MORC2: variants seen among roughly 807,000 people sequenced by gnomAD.
MORC2 encodes MORC family CW-type zinc finger 2, also known as ATPase MORC2.
A neutral mutation model predicts 136.0 loss-of-function variants in MORC2; 30 were observed. The ratio of observed to expected loss-of-function variants is 0.22; its 90% CI spans 0.17 to 0.30. MORC2 has a LOEUF of 0.30. MORC2 is among the 10% of genes least tolerant of loss of function. The pLI, the probability that MORC2 is intolerant of heterozygous loss-of-function variation, is 1.00. For missense variants in MORC2, 922 were observed against 1,333.1 expected (o/e 0.69, Z 4.80); for synonymous variants, 439 against 487.0 (o/e 0.90, Z 1.30).
chr22:30,958,035 T>G (rs546374174), intron 2 of MORC2, among the ~76,000 whole-genome samples: 47 of 152,236 alleles, frequency 3.1e-4, no homozygotes, highest in Non-Finnish European at 5.6e-4. Context: ...AAACAGAATC[T>G]TGATATGGAC....
At chr22:30,938,400 A>G (rs5994356) in intron 12 of MORC2, among the ~76,000 whole-genome samples, 195 bp from the exon 13 acceptor site, 6 of 152,346 alleles carry the variant, frequency 3.9e-5, no homozygotes, top group African/African-American at 1.4e-4. Context: ...AATTAAAAAC[A>G]TGAGTGTGGC....
At chr22:30,956,531 A>G (rs954242651) in intron 3 of MORC2, among the ~76,000 whole-genome samples, 5 of 152,202 alleles carry the variant, frequency 3.3e-5, no homozygotes, top group Non-Finnish European at 5.9e-5. Context: ...AGCTATTTAC[A>G]TAGATTTGGA....
chr22:30,940,739 G>A lies in MORC2; in HGVS notation c.904+19C>T, dbSNP rs200162306. ...CCAGATGCACACCCCCCCAACTCCT[G>A]CACCCAGAGTGGCATTACCAATCCT... is the stretch of plus-strand genomic sequence containing the variant. On this transcript the variant is annotated intron_variant, in intron 10 of 25. Coordinates refer to ENST00000397641, the MANE Select transcript of MORC2 (RefSeq NM_001303256.3). The A allele has an allele frequency of 3.1e-6, 5 of 1,611,508 alleles. No individual in the cohort carries two copies. The East Asian group carries it at 6.7e-5, about 22-fold the overall frequency.
intron 1 of MORC2, among the ~76,000 whole-genome samples, chr22:30,961,079 A>G (rs1005020781): frequency 2.6e-5 from 4 of 151,994 alleles, no homozygotes; most frequent in African/African-American, 7.3e-5. Context: ...CAAGTTGGTC[A>G]GGCTGCTCTT....
At chr22:30,961,300 A>G (rs2041041741) in intron 1 of MORC2, among the ~76,000 whole-genome samples, 1 of 152,214 alleles carries the variant, frequency 6.6e-6, no homozygotes, top group African/African-American at 2.4e-5. Context: ...AACTAAATAA[A>G]CAAAAAGTAT....
chr22:30,958,356 T>A (rs2040995886), intron 2 of MORC2, among the ~76,000 whole-genome samples: 1 of 152,230 alleles, frequency 6.6e-6, no homozygotes, highest in African/African-American at 2.4e-5. Context: ...TGCATTTTAC[T>A]ACAATTATCT....
chr22:30,942,065 T>C, intron 7 of MORC2, 47 bp downstream of exon 7: 1 of 1,610,182 alleles, frequency 6.2e-7, no homozygotes, highest in Non-Finnish European at 8.5e-7. Context: ...TACTTGTGAT[T>C]CTGGAGCTCC....
Position 30,941,457 on chromosome 22 carries a change from A to C in MORC2, c.800T>G (p.Leu267Arg), listed in dbSNP as rs1555939986. ...IHGHKVQTKR[L>R]SCCLYKPRMY... ...CCTGGGCTTGTACAGGCAGCAGGAG[A>C]GCCTCTTGGTCTGCACCTTGTGCCC... Residue 267 changes from leucine to arginine, a missense_variant, in exon 9 of 26, where the codon CTC (leucine) becomes CGC (arginine). Transcript: ENST00000397641. The surrounding 1 kb of genome is among the most constrained non-coding windows in gnomAD (Gnocchi z 4.6). 6.2e-7 allele frequency: 1 copy of C among 1,613,976 alleles called. No homozygotes were observed. Among genetic ancestry groups the C allele is most frequent in the South Asian group, 1.1e-5 (1 of 91,058 alleles).
chr22:30,956,421 G>C (rs1003288310), intron 3 of MORC2, among the ~76,000 whole-genome samples: 2 of 152,156 alleles, frequency 1.3e-5, no homozygotes, highest in Non-Finnish European at 1.5e-5. Context: ...TTGGCTGCAG[G>C]TACCACAAAC....
At position 30,935,407 on chromosome 22, in the gene MORC2, C is replaced by A; in HGVS notation, c.1738-85G>T. The A allele has an allele frequency of 1.2e-5, 16 of 1,341,116 alleles. No individual in the cohort carries two copies. In the Admixed American group the frequency reaches 1.3e-4, roughly 11 times the overall value. The allele number at this position is 1,341,116 out of a possible 1,614,324, so 83.1% of individuals were successfully genotyped here. On this transcript the variant is annotated intron_variant, in intron 17 of 25. Coordinates refer to ENST00000397641, the MANE Select transcript of MORC2 (RefSeq NM_001303256.3). ...TTTGGATAGTGTCTGGAACCAGGGA[C>A]AAAAAAAATAGAAAACCTGAGCCAT...
At chr22:30,933,906 G>A in intron 20 of MORC2, among the ~76,000 whole-genome samples, 154 bp downstream of exon 20, 1 of 151,644 alleles carries the variant, frequency 6.6e-6, no homozygotes, top group Non-Finnish European at 1.5e-5. Flanking sequence ...TATAAACAGA[G>A]TTGGTGCAGA....
chr22:30,958,669 C>A lies in MORC2; in HGVS notation c.94G>T (p.Ala32Ser), dbSNP rs964012011. 6.5e-7 allele frequency: 1 copy of A among 1,548,654 alleles called. No individual in the cohort carries two copies. The highest frequency in any genetic ancestry group is 1.4e-5 in the African/African-American group (1 of 73,040). ...NSTTHEFLFG[A>S]LAELVDNARD... ...GCATTATCAACCAGTTCAGCAAGGG[C>A]ACCAAACAAGAATTCGTGAGTGGTT... The change falls in exon 2 of 26, where the codon GCC becomes TCC. Residue 32 changes from alanine (A) to serine (S), a missense_variant. Ala to Ser is a moderately conservative substitution (Grantham distance 99). Transcript: ENST00000397641.
intron 24 of MORC2, among the ~76,000 whole-genome samples, chr22:30,930,778 A>G (rs1293315031): frequency 1.3e-5 from 2 of 152,114 alleles, no homozygotes; most frequent in African/African-American, 2.4e-5. Context: ...TAGAAAAATC[A>G]TCCCACTTCA....
chr22:30,967,753 G>A, intron 1 of MORC2, 69 bp downstream of exon 1: 1 of 1,543,700 alleles, frequency 6.5e-7, no homozygotes, highest in Non-Finnish European at 8.7e-7. Flanking sequence ...ATTTTCTGGG[G>A]AAACGATTTC....
At chr22:30,949,884 C>T in intron 4 of MORC2, 42 bp from the exon 5 acceptor site, 2 of 1,586,806 alleles carry the variant, frequency 1.3e-6, no homozygotes, top group African/African-American at 1.3e-5. Flanking sequence ...GTTTGCATTT[C>T]TTTCCCAGGG....
intron 2 of MORC2, 74 bp from the exon 3 acceptor site, chr22:30,956,871 T>A: frequency 1.7e-6 from 2 of 1,196,358 alleles, no homozygotes; most frequent in Non-Finnish European, 2.4e-6. Flanking sequence ...GTGATTTGAG[T>A]AGAATGCAGA....
rs2040670970 is a variant in MORC2, at chr22:30,937,477, G to C, written c.1498+106C>G. 1 of 1,500,536 alleles carries C rather than the reference G, an allele frequency of 6.7e-7. No individual in the cohort carries two copies. The highest frequency in any genetic ancestry group is 2.3e-5 in the East Asian group (1 of 44,272). The allele number at this position is 1,500,536 out of a possible 1,614,324, so 93.0% of individuals were successfully genotyped here. A position where few individuals can be genotyped will look rare whatever the true frequency, so the allele number is the denominator to read the frequency against. The stretch of plus-strand genomic sequence containing the variant: ...AACAGACTTGGATCCCTAGGGGACT[G>C]TAAGTCCATGAATGTCAGTCAAGTT... On this transcript the variant is annotated intron_variant, in intron 15 of 25. Coordinates refer to ENST00000397641, the MANE Select transcript of MORC2 (RefSeq NM_001303256.3). This position sits in a 1 kb window ranked among gnomAD's most constrained non-coding sequence, Gnocchi z 4.7.
intron 1 of MORC2, among the ~76,000 whole-genome samples, chr22:30,960,916 G>A (rs2041036160): frequency 1.3e-5 from 2 of 151,568 alleles, no homozygotes; most frequent in Admixed American, 6.6e-5. Context: ...CCAGGCTGGA[G>A]TGCAAGCGGC....
chr22:30,935,874 A>C (rs2040644807), intron 17 of MORC2, among the ~76,000 whole-genome samples: 1 of 152,256 alleles, frequency 6.6e-6, no homozygotes, highest in South Asian at 2.1e-4. Flanking sequence ...TAGAAATATT[A>C]AGGAAATTAA....
Sources: gnomAD v4.1 joint callset for allele counts (sites outside exome capture counted in the v4.1 genomes callset) on GRCh38, gnomAD v4.1.1 for gene constraint, Gnocchi (gnomAD v3.1) non-coding constraint, MANE v1.5 for transcripts, NCBI Gene and HGNC (gene_info 2026-07-23, HGNC 2026-07-21) for gene names.